The following ADORA2B variants were observed in gnomAD, a reference collection of about 807,000 sequenced individuals.
ADORA2B encodes the protein adenosine A2b receptor, also known as adenosine receptor A2b.
A neutral mutation model predicts 20.8 loss-of-function variants in ADORA2B; 18 were observed. The ratio of observed to expected loss-of-function variants is 0.87; its 90% CI spans 0.60 to 1.29. ADORA2B has a LOEUF of 1.29. ADORA2B is among the 50% of genes most tolerant of loss of function. The pLI is 0.00. For missense variants in ADORA2B, 441 were observed against 422.7 expected (o/e 1.04, Z -0.38); for synonymous variants, 179 against 178.3 (o/e 1.00, Z -0.03).
chr17:15,913,053 G>C, the ADORA2B span, among the ~76,000 whole-genome samples: 10 of 152,296 alleles, frequency 6.6e-5, no homozygotes, highest in African/African-American at 2.4e-4. Flanking sequence ...CAGGTGAGAG[G>C]CTCCCAACGT....
chr17:15,952,374 C>G (rs186883925), intron 1 of ADORA2B, among the ~76,000 whole-genome samples: 56 of 152,182 alleles, frequency 3.7e-4, no homozygotes, highest in Admixed American at 3.2e-3. Context: ...TGCGACCGCC[C>G]TATGGGAGCA....
At chr17:15,893,752 A>T in the ADORA2B span, among the ~76,000 whole-genome samples, 1 of 152,258 alleles carries the variant, frequency 6.6e-6, no homozygotes, top group Non-Finnish European at 1.5e-5. Context: ...CTACATTAAG[A>T]AATCTGTGTG....
intron 1 of ADORA2B, among the ~76,000 whole-genome samples, chr17:15,952,337 C>T (rs1414792046): frequency 1.3e-5 from 2 of 152,140 alleles, no homozygotes; most frequent in East Asian, 1.9e-4. Flanking sequence ...TGCCAGGCAC[C>T]TTACATCCCT....
the ADORA2B span, among the ~76,000 whole-genome samples, chr17:15,917,356 C>T: frequency 1.3e-5 from 2 of 152,200 alleles, no homozygotes; most frequent in Admixed American, 1.3e-4. Context: ...GACAGCGGTA[C>T]CCACGGAGTC....
chr17:15,864,070 C>T, the ADORA2B span: 1 of 207,342 alleles, frequency 4.8e-6, no homozygotes, highest in African/African-American at 2.3e-5. Context: ...AAAGAAGAAA[C>T]CCTCTGGTGG....
the ADORA2B span, among the ~76,000 whole-genome samples, chr17:15,866,706 G>GCTGCCGCTGCCTCTGCCA: frequency 2.0e-5 from 3 of 147,828 alleles, no homozygotes; most frequent in East Asian, 1.9e-4. Context: ...TGCCTCTGCC[G>GCTGCCGCTGCCTCTGCCA]CTGCCGCTGC....
chr17:15,945,662 T>G, intron 1 of ADORA2B, 79 bp downstream of exon 1: 5 of 1,329,912 alleles, frequency 3.8e-6, no homozygotes, highest in African/African-American at 1.5e-5. Context: ...CCGGGGTTCC[T>G]CCCTCGGGGG....
chr17:15,942,959 A>G (rs1359219027), upstream of ADORA2B, among the ~76,000 whole-genome samples: 1 of 152,018 alleles, frequency 6.6e-6, no homozygotes, highest in Non-Finnish European at 1.5e-5. Flanking sequence ...AGCCTCCTCT[A>G]ACCCTTTGCC....
chr17:15,918,158 A>G, the ADORA2B span, among the ~76,000 whole-genome samples: 2 of 152,194 alleles, frequency 1.3e-5, no homozygotes, highest in East Asian at 3.9e-4. Flanking sequence ...CCTCACTTGG[A>G]CAGAGGGAGC....
chr17:15,961,030 G>T (rs939086487), intron 1 of ADORA2B, among the ~76,000 whole-genome samples: 16 of 151,412 alleles, frequency 1.1e-4, no homozygotes, highest in Admixed American at 5.3e-4. Flanking sequence ...AGCCAGGCGT[G>T]GTGGCGGGTG....
At chr17:15,857,588 C>A in the ADORA2B span, among the ~76,000 whole-genome samples, 1 of 152,180 alleles carries the variant, frequency 6.6e-6, no homozygotes, top group African/African-American at 2.4e-5. Flanking sequence ...GGAGCCTACC[C>A]CTTGGATCAG....
At chr17:15,966,809 C>T (rs1266936130) in intron 1 of ADORA2B, among the ~76,000 whole-genome samples, 5 of 152,214 alleles carry the variant, frequency 3.3e-5, no homozygotes, top group Non-Finnish European at 1.5e-5. Flanking sequence ...AATAATAAAG[C>T]TGCCTGTGTT....
At chr17:15,956,869 G>C (rs1597424812) in intron 1 of ADORA2B, among the ~76,000 whole-genome samples, 1 of 152,176 alleles carries the variant, frequency 6.6e-6, no homozygotes, top group East Asian at 1.9e-4. Flanking sequence ...CAAAGTACTG[G>C]GATTACAGGC....
At chr17:15,957,333 AG>A (rs1390460704) in intron 1 of ADORA2B, among the ~76,000 whole-genome samples, 1 of 152,182 alleles carries the variant, frequency 6.6e-6, no homozygotes, top group Non-Finnish European at 1.5e-5. Flanking sequence ...GTGGGTAGTT[AG>A]GGCCAGGCTG....
the ADORA2B span, among the ~76,000 whole-genome samples, chr17:15,893,839 CAAGTGT>C: frequency 2.0e-5 from 3 of 152,296 alleles, no homozygotes; most frequent in African/African-American, 7.2e-5. Context: ...ATCACCATAA[CAAGTGT>C]TGGCAGATTT....
At chr17:15,893,491 C>T in the ADORA2B span, among the ~76,000 whole-genome samples, 29,753 of 128,058 alleles carry the variant, frequency 0.23, 3,546 homozygotes, top group Non-Finnish European at 0.28. Context: ...CCTTCCTTCC[C>T]TCCCTCCCTC....
chr17:15,909,712 T>G, the ADORA2B span, among the ~76,000 whole-genome samples: 3 of 152,214 alleles, frequency 2.0e-5, no homozygotes, highest in African/African-American at 7.2e-5. Flanking sequence ...TGTGTGCCTC[T>G]GGGGACCCTG....
intron 1 of ADORA2B, among the ~76,000 whole-genome samples, chr17:15,968,320 G>A (rs368942453): frequency 4.6e-5 from 7 of 152,120 alleles, no homozygotes; most frequent in African/African-American, 7.2e-5. Flanking sequence ...TGCTGACTGC[G>A]GAACCTCAGT....
the ADORA2B span, among the ~76,000 whole-genome samples, chr17:15,885,726 CA>C: frequency 1.4e-5 from 2 of 141,366 alleles, no homozygotes; most frequent in African/African-American, 5.2e-5. Flanking sequence ...AAAAAAAAAA[CA>C]AAAAAAAACC....
Sources: gnomAD v4.1 joint callset for allele counts (sites outside exome capture counted in the v4.1 genomes callset) on GRCh38, gnomAD v4.1.1 for gene constraint, MANE v1.5 for transcripts, NCBI Gene and HGNC (gene_info 2026-07-23, HGNC 2026-07-21) for gene names.